TNRC6B: variants seen among roughly 807,000 people sequenced by gnomAD.
TNRC6B encodes the protein trinucleotide repeat-containing gene 6B protein.
A neutral mutation model predicts 203.6 loss-of-function variants in TNRC6B; 52 were observed. The observed-to-expected ratio is 0.26, with a 90% CI of 0.20 to 0.32. TNRC6B has a LOEUF of 0.32. Among genes scored for constraint, TNRC6B ranks in the 10% least tolerant of loss-of-function variants. TNRC6B has a pLI of 1.00. For missense variants in TNRC6B, 1,923 were observed against 2,286.2 expected (o/e 0.84, Z 3.24); for synonymous variants, 838 against 845.7 (o/e 0.99, Z 0.16).
intron 1 of TNRC6B, among the ~76,000 whole-genome samples, chr22:40,100,243 C>T (rs535912146): frequency 2.0e-5 from 3 of 152,058 alleles, no homozygotes; most frequent in Middle Eastern, 3.4e-3. Context: ...TGTGCCACCA[C>T]ACCCAGCTAA....
intron 5 of TNRC6B, among the ~76,000 whole-genome samples, chr22:40,269,719 T>TAA (rs763753722): frequency 2.1e-4 from 30 of 145,446 alleles, no homozygotes; most frequent in Non-Finnish European, 1.1e-4. Flanking sequence ...TGTCTCTACT[T>TAA]AAAAAAAAAA....
chr22:40,115,048 A>G (rs1450369211), intron 1 of TNRC6B, among the ~76,000 whole-genome samples: 3 of 152,164 alleles, frequency 2.0e-5, no homozygotes, highest in Non-Finnish European at 4.4e-5. Context: ...GTACTTGGAA[A>G]ACTGCTCAGT....
At chr22:40,201,275 T>C (rs1236997246) in intron 1 of TNRC6B, among the ~76,000 whole-genome samples, 1 of 152,140 alleles carries the variant, frequency 6.6e-6, no homozygotes, top group Non-Finnish European at 1.5e-5. Flanking sequence ...AAAAACTAGA[T>C]GGAGAATAGG....
intron 1 of TNRC6B, among the ~76,000 whole-genome samples, chr22:40,105,970 T>C (rs2068279370): frequency 6.6e-6 from 1 of 152,230 alleles, no homozygotes; most frequent in African/African-American, 2.4e-5. Flanking sequence ...TTAGCCATTG[T>C]GGTATATAAT....
At chr22:40,084,163 TTAAC>T (rs1254317015) in intron 1 of TNRC6B, among the ~76,000 whole-genome samples, 1 of 152,114 alleles carries the variant, frequency 6.6e-6, no homozygotes, top group African/African-American at 2.4e-5. Context: ...ATTATAATGA[TTAAC>T]TATGTAATCT....
At chr22:40,204,798 A>G (rs1374146816) in intron 1 of TNRC6B, among the ~76,000 whole-genome samples, 1 of 152,082 alleles carries the variant, frequency 6.6e-6, no homozygotes, top group Non-Finnish European at 1.5e-5. Flanking sequence ...TGCTTTTTCT[A>G]TTTTTAATAA....
rs771353369 is a variant in TNRC6B, at chr22:40,262,142, G to A, written c.426G>A (p.Ala142=). The A allele has an allele frequency of 3.4e-6, 5 of 1,469,356 alleles. No individual in the cohort carries two copies. The highest frequency in any genetic ancestry group is 4.7e-5 in the East Asian group (2 of 42,298). 91.0% of individuals were successfully genotyped at this position (1,469,356 alleles called of 1,614,324 possible). A position where few individuals can be genotyped will look rare whatever the true frequency, so the allele number is the denominator to read the frequency against. Residue 142 remains alanine (A), a synonymous_variant, in exon 4 of 23, where the codon GCG becomes GCA. Coordinates refer to ENST00000454349, the MANE Select transcript of TNRC6B (RefSeq NM_001162501.2). ...CAAACAACGCACAAGTGACAGGAGC[G>A]CTGCTGCAGAGTGAGAGTGGGACTG... ...ANPNNAQVTG[A]LLQSESGTAP...
rs971728874 is a variant in TNRC6B, at chr22:40,328,803, A to AT, written c.*5568dup. The AT allele has an allele frequency of 2.6e-5, 4 of 152,136 alleles. No individual in the cohort carries two copies. The highest frequency in any genetic ancestry group is 4.8e-5 in the African/African-American group (2 of 41,396). 9.4% of individuals were successfully genotyped at this position (152,136 alleles called of 1,614,324 possible). A position where few individuals can be genotyped will look rare whatever the true frequency, so the allele number is the denominator to read the frequency against. On this transcript the variant is annotated 3_prime_UTR_variant, in exon 23 of 23. Coordinates refer to ENST00000454349, the MANE Select transcript of TNRC6B (RefSeq NM_001162501.2). ...TTGAGTCTTTATGTAGAAAAGATCCATTTTTTCCCCATCCTCAGAGTTAAA... is the reference window on the plus strand; with the variant it reads ...TTGAGTCTTTATGTAGAAAAGATCCATTTTTTTCCCCATCCTCAGAGTTAAA...
chr22:40,078,954 A>G (rs183208155), intron 1 of TNRC6B, among the ~76,000 whole-genome samples: 36 of 151,344 alleles, frequency 2.4e-4, no homozygotes, highest in Admixed American at 1.2e-3. Flanking sequence ...GGAGCCTATA[A>G]TCTCAGCTAC....
intron 1 of TNRC6B, among the ~76,000 whole-genome samples, chr22:40,077,917 T>C (rs929411941): frequency 6.6e-6 from 1 of 152,252 alleles, no homozygotes; most frequent in Non-Finnish European, 1.5e-5. Flanking sequence ...CTGCACTGTT[T>C]TTCACTACAT....
intron 1 of TNRC6B, among the ~76,000 whole-genome samples, chr22:40,084,971 C>A (rs932317570): frequency 1.3e-5 from 2 of 152,170 alleles, no homozygotes; most frequent in African/African-American, 4.8e-5. Flanking sequence ...ACCTGTGTAA[C>A]CACTGGAATA....
chr22:40,051,102 C>G (rs149823861), intron 1 of TNRC6B, among the ~76,000 whole-genome samples: 1,990 of 152,270 alleles, frequency 0.013, 53 homozygotes, highest in African/African-American at 0.045. Context: ...GGATTACAGG[C>G]GTGAGCCACC....
chr22:40,328,211 AATCAGTGTCCCCCCAATAAATCACTT>A lies in TNRC6B; in HGVS notation c.*4974_*4999del, dbSNP rs2071426019. 6.6e-6 allele frequency: 1 copy of A among 152,230 alleles called. No individual in the cohort carries two copies. The highest frequency in any genetic ancestry group is 1.5e-5 in the Non-Finnish European group (1 of 68,042). The allele number at this position is 152,230 out of a possible 1,614,324, so 9.4% of individuals were successfully genotyped here. ...GTTAAGGTTCCAAACCAAATTATTT[AATCAGTGTCCCCCCAATAAATCACTT>A]ATCCATTTATTGCTAGTTAGTTTTA... On this transcript the variant is annotated 3_prime_UTR_variant, in exon 23 of 23. Transcript: ENST00000454349.
At chr22:40,138,363 T>C (rs1348777066) in intron 3 of TNRC6B, among the ~76,000 whole-genome samples, 4 of 152,212 alleles carry the variant, frequency 2.6e-5, no homozygotes, top group Non-Finnish European at 5.9e-5. Context: ...CCTCCCAGGC[T>C]CAGGAGATTC....
chr22:40,132,969 A>AAAAAAT (rs1282694632), intron 3 of TNRC6B, among the ~76,000 whole-genome samples: 57 of 78,174 alleles, frequency 7.3e-4, no homozygotes, highest in African/African-American at 9.1e-4. Flanking sequence ...AAAAAAAAAA[A>AAAAAAT]ATATATATAT....
In TNRC6B at chr22:40,331,645, ATTTTTTTTTTTTTTTT is replaced by A. The variant is rs10534254; in HGVS notation, c.*8414_*8429del. On this transcript the variant is annotated 3_prime_UTR_variant, in exon 23 of 23. Coordinates refer to ENST00000454349, the MANE Select transcript of TNRC6B (RefSeq NM_001162501.2). Reference sequence around the variant, plus strand: ...ACTGAATTTAAGAAGAGGTTGTTGGATTTTTTTTTTTTTTTTTTTTTTTTTCAAAAAAAAAAGTCCC... The same window carrying A: ...ACTGAATTTAAGAAGAGGTTGTTGGATTTTTTTTTCAAAAAAAAAAGTCCC... 7.8e-6 allele frequency: 1 copy of A among 128,086 alleles called. No homozygotes were observed. Among genetic ancestry groups the A allele is most frequent in the African/African-American group, 4.4e-5 (1 of 22,638 alleles). The allele number at this position is 128,086 out of a possible 1,614,324, so 7.9% of individuals were successfully genotyped here.
chr22:40,132,543 G>T (rs866375760), intron 3 of TNRC6B, among the ~76,000 whole-genome samples: 17 of 151,006 alleles, frequency 1.1e-4, no homozygotes, highest in South Asian at 2.1e-4. Flanking sequence ...TACTTGGGAG[G>T]CTGAGGCAGG....
Position 40,326,769 on chromosome 22 carries a change from T to C in TNRC6B, c.*3528T>C, listed in dbSNP as rs539477447. 1 of 152,748 alleles carries C rather than the reference T, an allele frequency of 6.5e-6. No individual in the cohort carries two copies. Among genetic ancestry groups the C allele is most frequent in the African/African-American group, 2.4e-5 (1 of 41,566 alleles). 9.5% of individuals were successfully genotyped at this position (152,748 alleles called of 1,614,324 possible). On this transcript the variant is annotated 3_prime_UTR_variant, in exon 23 of 23. Transcript: ENST00000454349. The stretch of plus-strand genomic sequence containing the variant: ...ATAGGTTAATAATTTTTGGAACAAA[T>C]TTTAAATATAGGCATTACTAGAGGA...
intron 2 of TNRC6B, 96 bp from the exon 3 acceptor site, chr22:40,251,083 G>T: frequency 9.7e-7 from 1 of 1,031,272 alleles, no homozygotes; most frequent in Non-Finnish European, 1.4e-6. Context: ...GTGCCTGACA[G>T]CTTGGATTAC....
Sources: gnomAD v4.1 joint callset for allele counts (sites outside exome capture counted in the v4.1 genomes callset) on GRCh38, gnomAD v4.1.1 for gene constraint, MANE v1.5 for transcripts, NCBI Gene and HGNC (gene_info 2026-07-23, HGNC 2026-07-21) for gene names.